The following GFOD1 variants were observed in gnomAD, a reference collection of about 807,000 sequenced individuals.
GFOD1 encodes the protein Gfo/Idh/MocA-like oxidoreductase domain containing 1.
In GFOD1, 9 loss-of-function variants were observed where a neutral mutation model predicts 25.4. The observed-to-expected ratio is 0.35, with a 90% CI of 0.21 to 0.62. The LOEUF is 0.62. Among genes scored for constraint, GFOD1 ranks in the 20% least tolerant of loss-of-function variants. The pLI, the probability that GFOD1 is intolerant of heterozygous loss-of-function variation, is 0.72. For missense variants in GFOD1, 403 were observed against 556.9 expected, an observed-to-expected ratio of 0.72 and a Z score of 2.78; for synonymous variants, 253 against 245.6, an observed-to-expected ratio of 1.03 and a Z score of -0.28.
chr6:13,450,635 C>T (rs911619183), intron 1 of GFOD1, among the ~76,000 whole-genome samples: 1 of 152,148 alleles, frequency 6.6e-6, no homozygotes, highest in African/African-American at 2.4e-5. Flanking sequence ...GTGTTGTCAA[C>T]CAGGGAAGTT....
chr6:13,433,398 C>T (rs774815096), intron 1 of GFOD1, among the ~76,000 whole-genome samples: 18 of 152,172 alleles, frequency 1.2e-4, no homozygotes, highest in Non-Finnish European at 1.9e-4. Context: ...GGATTACAGG[C>T]GTGAGCCACC....
intron 1 of GFOD1, among the ~76,000 whole-genome samples, chr6:13,428,950 C>T (rs74734019): frequency 0.027 from 4,069 of 152,300 alleles, 179 homozygotes; most frequent in African/African-American, 0.091. Context: ...TACATCTTCT[C>T]GACCATATGA....
intron 1 of GFOD1, among the ~76,000 whole-genome samples, chr6:13,473,441 C>G (rs1758550524): frequency 6.6e-6 from 1 of 152,230 alleles, no homozygotes; most frequent in Non-Finnish European, 1.5e-5. Context: ...TTGGGCTCCT[C>G]TCAACAGGGT....
At chr6:13,419,568 C>T (rs993137056) in intron 1 of GFOD1, among the ~76,000 whole-genome samples, 3 of 152,262 alleles carry the variant, frequency 2.0e-5, no homozygotes, top group Admixed American at 6.5e-5. Flanking sequence ...CCCTGCTACC[C>T]GCCTTCCGAT....
chr6:13,474,515 C>A (rs1197451708), intron 1 of GFOD1, among the ~76,000 whole-genome samples: 1 of 152,158 alleles, frequency 6.6e-6, no homozygotes, highest in African/African-American at 2.4e-5. Flanking sequence ...AGGGATTACT[C>A]AACTGCCTCA....
At chr6:13,373,003 T>A (rs1785180929) in intron 1 of GFOD1, among the ~76,000 whole-genome samples, 1 of 152,234 alleles carries the variant, frequency 6.6e-6, no homozygotes, top group Non-Finnish European at 1.5e-5. Context: ...TTCCTCGCAT[T>A]TGCAGAAGGT....
chr6:13,430,418 C>T lies in GFOD1; in HGVS notation c.253+56220G>A, dbSNP rs151044505. ...CACCACTGCACTCCAGCCTGGGTGACAGAACGAGACTCCACCTCAAAATAA... is the reference window on the plus strand; with the variant it reads ...CACCACTGCACTCCAGCCTGGGTGATAGAACGAGACTCCACCTCAAAATAA... On this transcript the variant is annotated intron_variant, in intron 1 of 1. Coordinates refer to ENST00000379287, the MANE Select transcript of GFOD1 (RefSeq NM_018988.4). This position sits in a 1 kb window ranked among gnomAD's most constrained non-coding sequence, Gnocchi z 4.1. Among the ~76,000 whole-genome samples, 720 of 152,168 alleles carry T rather than the reference C, an allele frequency of 4.7e-3. 5 individuals are homozygous for T. Among genetic ancestry groups the T allele is most frequent in the African/African-American group, 0.017 (688 of 41,498 alleles).
At chr6:13,414,474 C>T (rs950246326) in intron 1 of GFOD1, among the ~76,000 whole-genome samples, 12 of 152,240 alleles carry the variant, frequency 7.9e-5, no homozygotes, top group African/African-American at 2.4e-4. Flanking sequence ...AGGGTGAATA[C>T]AGCTATCTCT....
intron 1 of GFOD1, among the ~76,000 whole-genome samples, chr6:13,413,152 C>T (rs1271205860): frequency 6.6e-6 from 1 of 152,236 alleles, no homozygotes; most frequent in Non-Finnish European, 1.5e-5. Context: ...AGGTTTTGCC[C>T]TCTTTTTTCA....
At chr6:13,463,000 C>T (rs372720425) in intron 1 of GFOD1, among the ~76,000 whole-genome samples, 22 of 152,180 alleles carry the variant, frequency 1.4e-4, no homozygotes, top group African/African-American at 5.3e-4. Context: ...TAAGATTTCA[C>T]GAGGCAGAGA....
At chr6:13,419,084 G>A (rs1786208780) in intron 1 of GFOD1, among the ~76,000 whole-genome samples, 1 of 152,196 alleles carries the variant, frequency 6.6e-6, no homozygotes, top group African/African-American at 2.4e-5. Flanking sequence ...GCTTGGCATG[G>A]AGGAGAAGAA....
chr6:13,394,380 T>C (rs961120404), intron 1 of GFOD1, among the ~76,000 whole-genome samples: 2 of 151,916 alleles, frequency 1.3e-5, no homozygotes, highest in Non-Finnish European at 2.9e-5. Flanking sequence ...CTGATAACTT[T>C]GGTCGTCTCT....
intron 1 of GFOD1, among the ~76,000 whole-genome samples, chr6:13,419,208 C>T (rs997388671): frequency 6.6e-6 from 1 of 152,126 alleles, no homozygotes; most frequent in African/African-American, 2.4e-5. Context: ...TCTTCCAAAA[C>T]GAGATGGAGG....
intron 1 of GFOD1, chr6:13,407,909 CCCAA>C (rs10573330): frequency 0.7 from 676,423 of 963,298 alleles, 246,582 homozygotes; most frequent in Non-Finnish European, 0.74. Context: ...CCTGTACTCA[CCCAA>C]CCAACTGACT....
intron 1 of GFOD1, among the ~76,000 whole-genome samples, chr6:13,417,464 C>T (rs1786181877): frequency 6.6e-6 from 1 of 152,176 alleles, no homozygotes; most frequent in Admixed American, 6.6e-5. Context: ...TTTCCAATGG[C>T]TGAGTCTAGA....
rs149665098 is a variant in GFOD1, at chr6:13,417,825, T to C, written c.254-52163A>G. Among the ~76,000 whole-genome samples the C allele has an allele frequency of 1.6e-3, 241 of 152,316 alleles. 1 individual carries two copies. Among genetic ancestry groups the C allele is most frequent in the African/African-American group, 5.4e-3 (223 of 41,562 alleles). Reference sequence around the variant, plus strand: ...TGCCATGTTTTTGTCGAAACAACAATGCATGTCTGGGTTCAGAACCTGCTG... The same window carrying C: ...TGCCATGTTTTTGTCGAAACAACAACGCATGTCTGGGTTCAGAACCTGCTG... On this transcript the variant is annotated intron_variant, in intron 1 of 1. Transcript: ENST00000379287.
intron 1 of GFOD1, among the ~76,000 whole-genome samples, chr6:13,371,213 T>C (rs541670428): frequency 2.0e-5 from 3 of 152,298 alleles, no homozygotes; most frequent in Admixed American, 6.5e-5. Context: ...TATAAGCCCT[T>C]TACAGCCATG....
In GFOD1 at chr6:13,470,068, T is replaced by C. The variant is rs746330891; in HGVS notation, c.253+16570A>G. ...TTACACATTGTAGCCACTCAGTAAA[T>C]GGGTGAGGAATACAGATGTTGAATT... is the stretch of plus-strand genomic sequence containing the variant. On this transcript the variant is annotated intron_variant, in intron 1 of 1. Transcript: ENST00000379287. 5.8e-6 allele frequency: 8 copies of C among 1,386,262 alleles called. No individual in the cohort carries two copies. In the South Asian group the frequency reaches 6.8e-5, roughly 12 times the overall value. 85.9% of individuals were successfully genotyped at this position (1,386,262 alleles called of 1,614,324 possible).
At chr6:13,415,027 A>G (rs980672793) in intron 1 of GFOD1, among the ~76,000 whole-genome samples, 1 of 152,210 alleles carries the variant, frequency 6.6e-6, no homozygotes, top group African/African-American at 2.4e-5. Context: ...CCAATGAGAA[A>G]GCACATCAGC....
Sources: gnomAD v4.1 joint callset for allele counts (sites outside exome capture counted in the v4.1 genomes callset) on GRCh38, gnomAD v4.1.1 for gene constraint, Gnocchi (gnomAD v3.1) non-coding constraint, MANE v1.5 for transcripts, NCBI Gene and HGNC (gene_info 2026-07-23, HGNC 2026-07-21) for gene names.